TUSC3: variants seen among roughly 807,000 people sequenced by gnomAD.
The protein encoded by TUSC3 is tumor suppressor candidate 3.
In TUSC3, 45 loss-of-function variants were observed where a neutral mutation model predicts 44.8. The ratio of observed to expected loss-of-function variants is 1.00; its 90% CI spans 0.79 to 1.29. The LOEUF is 1.29. Ranked by LOEUF, TUSC3 falls within the 50% of genes most tolerant of loss-of-function variation. The pLI is 0.00. For synonymous variants in TUSC3, 212 were observed against 152.9 expected (o/e 1.39, Z -2.85); for missense variants, 519 against 437.9 (o/e 1.19, Z -1.65).
At chr8:15,782,652 T>A in the TUSC3 span, among the ~76,000 whole-genome samples, 1 of 152,186 alleles carries the variant, frequency 6.6e-6, no homozygotes, top group Non-Finnish European at 1.5e-5. Context: ...TTAATCTCAA[T>A]AGATGTACTA....
At chr8:15,508,342 G>A (rs952757303) in intron 2 of TUSC3, among the ~76,000 whole-genome samples, 1 of 151,790 alleles carries the variant, frequency 6.6e-6, no homozygotes, top group African/African-American at 2.4e-5. Flanking sequence ...TAACTGAGGT[G>A]AAGAACAAGA....
chr8:15,780,893 A>G, the TUSC3 span, among the ~76,000 whole-genome samples: 5 of 152,276 alleles, frequency 3.3e-5, no homozygotes, highest in East Asian at 9.7e-4. Flanking sequence ...GTATGCAACC[A>G]TTTCCAAAGG....
chr8:15,630,851 C>G (rs1296379108), intron 2 of TUSC3, among the ~76,000 whole-genome samples: 1 of 152,096 alleles, frequency 6.6e-6, no homozygotes, highest in Non-Finnish European at 1.5e-5. Context: ...GAGCCTATCA[C>G]CCTTTTGTTT....
At position 15,743,540 on chromosome 8, in the gene TUSC3, G is replaced by T. The variant is rs1162849410; in HGVS notation, c.865G>T (p.Ala289Ser). ...AESHIILVLNAAITMGMVLLN... is the reference protein window; with the variant it reads ...AESHIILVLNSAITMGMVLLN... ...GGCTTCCTTGACAACTACTGCAGAT[G>T]CCGCTATCACCATGGGGATGGTTCT... Residue 289 changes from alanine to serine, a missense_variant and splice_region_variant, in exon 8 of 11, where the codon GCC becomes TCC. Transcript: ENST00000503731. The T allele has an allele frequency of 3.1e-6, 5 of 1,613,880 alleles. No homozygotes were observed. The Admixed American group carries it at 5.0e-5, about 16-fold the overall frequency.
chr8:15,532,050 G>C (rs1273888715), intron 2 of TUSC3, among the ~76,000 whole-genome samples: 2 of 152,148 alleles, frequency 1.3e-5, no homozygotes, highest in African/African-American at 4.8e-5. Context: ...AATTGTCAGT[G>C]ACTTACTCTT....
intron 5 of TUSC3, among the ~76,000 whole-genome samples, chr8:15,667,869 G>A (rs981616167): frequency 2.0e-5 from 3 of 151,746 alleles, no homozygotes; most frequent in East Asian, 3.9e-4. Context: ...GTTACAGTGG[G>A]CGTGAACATC....
At chr8:15,850,399 T>C in the TUSC3 span, among the ~76,000 whole-genome samples, 3 of 152,322 alleles carry the variant, frequency 2.0e-5, no homozygotes, top group Middle Eastern at 3.4e-3. Context: ...AGTTATATTA[T>C]TCACTATACA....
At chr8:15,419,198 C>T (rs6985514) in intron 1 of TUSC3, among the ~76,000 whole-genome samples, 55,200 of 151,880 alleles carry the variant, frequency 0.36, 11,256 homozygotes, top group African/African-American at 0.55. Flanking sequence ...AGAAAAAAGT[C>T]TTCTGTTCCA....
At chr8:15,563,713 C>T (rs919950161) in intron 1 of TUSC3, among the ~76,000 whole-genome samples, 1 of 125,234 alleles carries the variant, frequency 8.0e-6, no homozygotes, top group African/African-American at 2.9e-5. Context: ...AAAGAACAAC[C>T]TGGAACCTAC....
chr8:15,773,617 A>G, the TUSC3 span, among the ~76,000 whole-genome samples: 1 of 152,318 alleles, frequency 6.6e-6, no homozygotes. Flanking sequence ...TGGGGTCCTG[A>G]ATAGCCAAAG....
In TUSC3 at chr8:15,650,694, C is replaced by A; in HGVS notation, c.309-3C>A. ...TTCTACTATGGCCCATTATTCTTAT[C>A]AGGCAAGCTAATGAAGAATATCAAA... On this transcript the variant is annotated splice_region_variant and splice_polypyrimidine_tract_variant and intron_variant, in intron 2 of 10. Coordinates refer to ENST00000503731, the MANE Select transcript of TUSC3 (RefSeq NM_006765.4). 1 of 1,611,564 alleles carries A rather than the reference C, an allele frequency of 6.2e-7. No homozygotes were observed.
chr8:15,460,966 C>T (rs1585053794), intron 1 of TUSC3, among the ~76,000 whole-genome samples: 1 of 152,114 alleles, frequency 6.6e-6, no homozygotes, highest in South Asian at 2.1e-4. Context: ...TAGTGTGATG[C>T]CTCCAGATTT....
intron 1 of TUSC3, among the ~76,000 whole-genome samples, chr8:15,454,817 T>C (rs913622001): frequency 2.0e-5 from 3 of 152,238 alleles, no homozygotes; most frequent in African/African-American, 7.2e-5. Flanking sequence ...CAATGATTTA[T>C]ATAAACATGT....
rs150798257 is a variant in TUSC3 at position 15,702,309 on chromosome 8, A to G, written c.799-28357A>G. Reference sequence around the variant, plus strand: ...GGTATTAAATAATAGTTGTTGAGCCACTTCTTAAACAATTTAGATAGGGAA... The same window carrying G: ...GGTATTAAATAATAGTTGTTGAGCCGCTTCTTAAACAATTTAGATAGGGAA... On this transcript the variant is annotated intron_variant, in intron 6 of 10. Transcript: ENST00000503731. Among the ~76,000 whole-genome samples, 495 of 152,294 alleles carry G rather than the reference A, an allele frequency of 3.3e-3. 2 individuals carry two copies. Among genetic ancestry groups the G allele is most frequent in the East Asian group, 0.015 (78 of 5,180 alleles).
At chr8:15,523,704 G>GTATATA (rs1563273688) in intron 2 of TUSC3, among the ~76,000 whole-genome samples, 2 of 112,588 alleles carry the variant, frequency 1.8e-5, no homozygotes, top group African/African-American at 4.0e-5. Flanking sequence ...GTGTGTGTGT[G>GTATATA]TGTGTATATA....
At chr8:15,731,655 C>T (rs527266984) in intron 7 of TUSC3, among the ~76,000 whole-genome samples, 1 of 152,238 alleles carries the variant, frequency 6.6e-6, no homozygotes, top group South Asian at 2.1e-4. Flanking sequence ...TCAAGTACTT[C>T]AGTTTTATGT....
intron 6 of TUSC3, among the ~76,000 whole-genome samples, chr8:15,676,442 GTTTC>G (rs1239685963): frequency 1.3e-5 from 2 of 152,120 alleles, no homozygotes; most frequent in African/African-American, 2.4e-5. Context: ...TCTGTTGATA[GTTTC>G]TTTTGCTGTG....
the TUSC3 span, chr8:15,806,648 G>C: frequency 7.9e-7 from 1 of 1,264,366 alleles, no homozygotes; most frequent in Non-Finnish European, 1.2e-6. Flanking sequence ...TTCAGGCTCT[G>C]GTGAGACAAG....
chr8:15,543,598 A>C (rs1029656637), intron 1 of TUSC3, among the ~76,000 whole-genome samples: 1 of 152,104 alleles, frequency 6.6e-6, no homozygotes, highest in Non-Finnish European at 1.5e-5. Flanking sequence ...TATGTATATA[A>C]AGACTGTATA....
Sources: gnomAD v4.1 joint callset for allele counts (sites outside exome capture counted in the v4.1 genomes callset) on GRCh38, gnomAD v4.1.1 for gene constraint, MANE v1.5 for transcripts, NCBI Gene and HGNC (gene_info 2026-07-23, HGNC 2026-07-21) for gene names.